Variants in CTNND2 observed in about 807,000 individuals in gnomAD.
CTNND2 encodes the protein catenin delta 2.
A neutral mutation model predicts 144.4 loss-of-function variants in CTNND2; 22 were observed. The ratio of observed to expected loss-of-function variants is 0.15; its 90% CI spans 0.11 to 0.22. CTNND2 has a LOEUF of 0.22. Ranked by LOEUF, CTNND2 falls within the 10% of genes least tolerant of loss-of-function variation. The probability of loss-of-function intolerance (pLI) is 1.00; values close to 1 mark genes in which losing one functional copy is unlikely to be tolerated. For synonymous variants in CTNND2, 751 were observed against 695.6 expected (o/e 1.08, Z -1.25); for missense variants, 1,353 against 1,618.8 (o/e 0.84, Z 2.82).
At chr5:11,134,795 C>A (rs1413343043) in intron 12 of CTNND2, among the ~76,000 whole-genome samples, 1 of 152,214 alleles carries the variant, frequency 6.6e-6, no homozygotes, top group Non-Finnish European at 1.5e-5. Context: ...AGATGGCTTG[C>A]ACACAATATG....
intron 1 of CTNND2, among the ~76,000 whole-genome samples, chr5:11,790,244 T>C (rs1055249909): frequency 1.3e-5 from 2 of 152,190 alleles, no homozygotes; most frequent in Non-Finnish European, 2.9e-5. Context: ...TTGAATTGCA[T>C]CATGTCATTC....
intron 14 of CTNND2, among the ~76,000 whole-genome samples, chr5:11,104,951 C>G (rs1044281152): frequency 6.6e-6 from 1 of 152,238 alleles, no homozygotes; most frequent in South Asian, 2.1e-4. Context: ...TGGGGGGCCA[C>G]GGGGCCCGGT....
intron 12 of CTNND2, among the ~76,000 whole-genome samples, chr5:11,136,499 C>A (rs934149507): frequency 3.3e-5 from 5 of 151,990 alleles, no homozygotes; most frequent in African/African-American, 1.2e-4. Flanking sequence ...CTAACTGGGG[C>A]CTATTTTGAG....
At chr5:11,617,818 G>T (rs1011860663) in intron 2 of CTNND2, among the ~76,000 whole-genome samples, 3 of 152,118 alleles carry the variant, frequency 2.0e-5, no homozygotes, top group African/African-American at 7.2e-5. Context: ...TCCCAGAAAG[G>T]GAAGGGAATA....
intron 1 of CTNND2, among the ~76,000 whole-genome samples, chr5:11,798,451 T>C (rs375639463): frequency 8.5e-5 from 13 of 152,210 alleles, no homozygotes; most frequent in African/African-American, 3.1e-4. Flanking sequence ...AGAGTCCACA[T>C]GTTTTAATGT....
chr5:10,976,098 G>A (rs964942748), intron 21 of CTNND2, among the ~76,000 whole-genome samples: 5 of 118,284 alleles, frequency 4.2e-5, no homozygotes, highest in South Asian at 5.1e-4. Flanking sequence ...TGCTGCACCC[G>A]GAGAGACAGA....
intron 1 of CTNND2, among the ~76,000 whole-genome samples, chr5:11,807,691 G>A (rs1792081475): frequency 6.6e-6 from 1 of 152,134 alleles, no homozygotes; most frequent in African/African-American, 2.4e-5. Context: ...CTAAAACACT[G>A]TGTACTTCCT....
At chr5:11,242,531 T>C (rs1209567367) in intron 9 of CTNND2, among the ~76,000 whole-genome samples, 1 of 152,198 alleles carries the variant, frequency 6.6e-6, no homozygotes, top group Non-Finnish European at 1.5e-5. Flanking sequence ...CAGTTTTGGA[T>C]GGCACCCGTG....
intron 3 of CTNND2, among the ~76,000 whole-genome samples, chr5:11,463,684 T>TAA (rs5865943): frequency 1.5e-4 from 22 of 145,230 alleles, no homozygotes; most frequent in African/African-American, 2.0e-4. Context: ...GGTGCTTCAT[T>TAA]AAAAAAAAAA....
At chr5:11,060,317 G>A (rs1746823042) in intron 16 of CTNND2, among the ~76,000 whole-genome samples, 1 of 152,050 alleles carries the variant, frequency 6.6e-6, no homozygotes, top group Non-Finnish European at 1.5e-5. Context: ...TCCTCCACAT[G>A]GAAAACTGAT....
At chr5:11,321,176 G>A (rs746510803) in intron 9 of CTNND2, among the ~76,000 whole-genome samples, 5 of 152,108 alleles carry the variant, frequency 3.3e-5, no homozygotes, top group Admixed American at 1.3e-4. Flanking sequence ...TTAAGTGATC[G>A]GGAAAATTGA....
intron 1 of CTNND2, among the ~76,000 whole-genome samples, chr5:11,745,565 G>A (rs1470484629): frequency 1.3e-5 from 2 of 152,248 alleles, no homozygotes; most frequent in East Asian, 3.9e-4. Context: ...CACAGTTGAT[G>A]TCCATACTAT....
intron 3 of CTNND2, among the ~76,000 whole-genome samples, chr5:11,533,907 G>A (rs1341815509): frequency 6.6e-6 from 1 of 152,110 alleles, no homozygotes; most frequent in Non-Finnish European, 1.5e-5. Flanking sequence ...GTAGAGGGTG[G>A]GGAAGCTCAC....
intron 16 of CTNND2, among the ~76,000 whole-genome samples, chr5:11,080,661 C>A (rs982030191): frequency 1.3e-5 from 2 of 152,182 alleles, no homozygotes; most frequent in African/African-American, 4.8e-5. Context: ...GAAGGGAATC[C>A]TGTCCTTTAC....
rs1191387386 is a variant in CTNND2 at position 10,994,703 on chromosome 5, C to T, written c.3085-2026G>A. Among the ~76,000 whole-genome samples, 3 of 152,090 alleles carry T rather than the reference C, an allele frequency of 2.0e-5. No individual in the cohort carries two copies. The East Asian group carries it at 5.8e-4, about 30-fold the overall frequency. On this transcript the variant is annotated intron_variant, in intron 18 of 21. Transcript: ENST00000304623. ...ACGGCTTCGCTGGTGTGAGAACAGG[C>T]TCCTGGGACTGAATAGGCGTGAGCA...
chr5:11,111,189 C>T, intron 13 of CTNND2, 146 bp from the exon 14 acceptor site: 2 of 786,682 alleles, frequency 2.5e-6, no homozygotes, highest in East Asian at 2.7e-5. Flanking sequence ...CCCCTGATGG[C>T]CACAGTGGAA....
At chr5:11,076,482 C>G (rs1748966508) in intron 16 of CTNND2, among the ~76,000 whole-genome samples, 1 of 152,150 alleles carries the variant, frequency 6.6e-6, no homozygotes, top group African/African-American at 2.4e-5. Context: ...TAATTATTAC[C>G]ATTCCTTTTT....
intron 5 of CTNND2, among the ~76,000 whole-genome samples, chr5:11,410,008 T>G (rs998610128): frequency 6.6e-6 from 1 of 152,116 alleles, no homozygotes; most frequent in East Asian, 1.9e-4. Flanking sequence ...ATCAAATATA[T>G]TATTATATTA....
intron 10 of CTNND2, among the ~76,000 whole-genome samples, chr5:11,228,096 C>T (rs1315384125): frequency 6.6e-6 from 1 of 151,752 alleles, no homozygotes; most frequent in Non-Finnish European, 1.5e-5. Context: ...AATCCCAGCT[C>T]TTTGGGAGGG....
Sources: gnomAD v4.1 joint callset for allele counts (sites outside exome capture counted in the v4.1 genomes callset) on GRCh38, gnomAD v4.1.1 for gene constraint, MANE v1.5 for transcripts, NCBI Gene and HGNC (gene_info 2026-07-23, HGNC 2026-07-21) for gene names.